Variants in TLE4 observed in about 807,000 individuals in gnomAD.
The protein encoded by TLE4 is transducin-like enhancer protein 4.
TLE4 carries 8 observed loss-of-function variants against 92.8 expected under a neutral mutation model. The ratio of observed to expected loss-of-function variants is 0.09; its 90% CI spans 0.05 to 0.16. The LOEUF is 0.16. Among genes scored for constraint, TLE4 ranks in the 10% least tolerant of loss-of-function variants. The probability of loss-of-function intolerance (pLI) is 1.00; values close to 1 mark genes in which losing one functional copy is unlikely to be tolerated. For synonymous variants in TLE4, 371 were observed against 374.1 expected, an observed-to-expected ratio of 0.99 and a Z score of 0.10; for missense variants, 675 against 997.6, an observed-to-expected ratio of 0.68 and a Z score of 4.36.
Position 79,704,906 on chromosome 9 carries a change from AG to A in TLE4, c.729+5del. 2.5e-6 allele frequency: 4 copies of A among 1,614,024 alleles called. No individual in the cohort carries two copies. Among genetic ancestry groups the A allele is most frequent in the Non-Finnish European group, 3.4e-6 (4 of 1,179,984 alleles). On this transcript the variant is annotated splice_donor_5th_base_variant and intron_variant, in intron 9 of 19. Coordinates refer to ENST00000376552, the MANE Select transcript of TLE4 (RefSeq NM_007005.6). ...AAAGGAAATTGCAGCTCGTTATGTA[AG>A]TTCATTCACCTTTGTGTTAGGGGAG...
At chr9:79,723,947 G>A (rs1455274750) in intron 19 of TLE4, among the ~76,000 whole-genome samples, 2 of 152,106 alleles carry the variant, frequency 1.3e-5, no homozygotes, top group South Asian at 2.1e-4. Flanking sequence ...GTCTTTAAGT[G>A]TTTAAAGTAT....
chr9:79,658,194 T>G (rs1308431684), intron 8 of TLE4, among the ~76,000 whole-genome samples: 1 of 152,238 alleles, frequency 6.6e-6, no homozygotes, highest in Non-Finnish European at 1.5e-5. Context: ...AACCCTGTAC[T>G]AATTTAAAAT....
chr9:79,677,784 G>C (rs375951191), intron 8 of TLE4, among the ~76,000 whole-genome samples: 2 of 151,940 alleles, frequency 1.3e-5, no homozygotes, highest in East Asian at 1.9e-4. Flanking sequence ...GCTTGTCATT[G>C]TTTTCACATC....
intron 3 of TLE4, 173 bp from the exon 4 acceptor site, chr9:79,575,960 T>C: frequency 2.4e-6 from 1 of 422,984 alleles, no homozygotes; most frequent in East Asian, 3.3e-5. Flanking sequence ...ATTTGTGTCT[T>C]AAGGTGGTTA....
rs1288463289 is a variant in TLE4, at chr9:79,706,037, T to C, written c.783+95T>C. ...AGTATCCAAAATATCTTGAGGTTTG[T>C]CGTTTTGTTATTGTTGTTGTTTTTT... is the stretch of plus-strand genomic sequence containing the variant. On this transcript the variant is annotated intron_variant, in intron 10 of 19. Coordinates refer to ENST00000376552, the MANE Select transcript of TLE4 (RefSeq NM_007005.6). 3.3e-6 allele frequency: 4 copies of C among 1,227,228 alleles called. No individual in the cohort carries two copies. The South Asian group carries it at 4.8e-5, about 15-fold the overall frequency. 76.0% of individuals were successfully genotyped at this position (1,227,228 alleles called of 1,614,324 possible).
chr9:79,653,073 A>G, intron 7 of TLE4: 1 of 466,478 alleles, frequency 2.1e-6, no homozygotes, highest in African/African-American at 2.0e-5. Flanking sequence ...TAAATCAGTA[A>G]TGAAATCCCA....
intron 8 of TLE4, chr9:79,671,112 T>C: frequency 3.1e-6 from 1 of 321,250 alleles, no homozygotes; most frequent in South Asian, 2.4e-5. Context: ...GAGAATTAAC[T>C]TTAGCTGATC....
intron 11 of TLE4, among the ~76,000 whole-genome samples, 198 bp from the exon 12 acceptor site, chr9:79,707,920 C>T (rs1245697488): frequency 1.3e-5 from 2 of 152,212 alleles, no homozygotes; most frequent in Non-Finnish European, 2.9e-5. Flanking sequence ...CAGTTTATGT[C>T]TTCCCAAATA....
chr9:79,692,264 C>T (rs539417136), intron 8 of TLE4, among the ~76,000 whole-genome samples: 3 of 151,668 alleles, frequency 2.0e-5, no homozygotes, highest in Middle Eastern at 3.5e-3. Context: ...AAGAGAACAC[C>T]AATCCAGGAG....
chr9:79,694,711 T>C (rs1446472263), intron 8 of TLE4, among the ~76,000 whole-genome samples: 1 of 152,088 alleles, frequency 6.6e-6, no homozygotes, highest in Non-Finnish European at 1.5e-5. Context: ...AAAACAAGTA[T>C]TATATCTGTC....
rs200871095 is a variant in TLE4 at position 79,722,538 on chromosome 9, C to G, written c.2074C>G (p.Pro692Ala). Residue 692 changes from proline (P) to alanine (A), a missense_variant, in exon 18 of 20, where the codon CCA (proline) becomes GCA (alanine). Pro to Ala is a conservative substitution (Grantham distance 27). Around this residue, in one of 5 missense-constraint regions of TLE4, gnomAD observed 170 missense variants for 359.6 expected, o/e 0.47. Transcript: ENST00000376552. ...SNVEVLHVTKPDKYQLHLHES... is the reference protein window; with the variant it reads ...SNVEVLHVTKADKYQLHLHES... ...TGTGGAAGTTTTGCATGTCACCAAG[C>G]CAGACAAATACCAACTACATCTTCA... is the stretch of plus-strand genomic sequence containing the variant. The G allele has an allele frequency of 3.7e-6, 6 of 1,614,098 alleles. No homozygotes were observed. Among genetic ancestry groups the G allele is most frequent in the Non-Finnish European group, 5.1e-6 (6 of 1,180,046 alleles).
At chr9:79,652,558 C>A (rs1275644190) in intron 6 of TLE4, 35 bp from the exon 7 acceptor site, 3 of 1,610,982 alleles carry the variant, frequency 1.9e-6, no homozygotes, top group Non-Finnish European at 2.5e-6. Flanking sequence ...GATATGGGGG[C>A]AAATTCAATA....
intron 4 of TLE4, among the ~76,000 whole-genome samples, chr9:79,589,749 T>C (rs887818749): frequency 3.3e-5 from 5 of 152,130 alleles, no homozygotes; most frequent in Admixed American, 6.5e-5. Context: ...ACCAGTCTGG[T>C]TGGTACCAAG....
At chr9:79,606,617 A>T (rs113942197) in intron 4 of TLE4, among the ~76,000 whole-genome samples, 7 of 152,056 alleles carry the variant, frequency 4.6e-5, no homozygotes, top group Admixed American at 2.6e-4. Context: ...ATGAGTGAGA[A>T]CATGTGGTGT....
intron 6 of TLE4, among the ~76,000 whole-genome samples, chr9:79,629,672 C>A (rs901272140): frequency 6.6e-6 from 1 of 152,000 alleles, no homozygotes; most frequent in East Asian, 1.9e-4. Flanking sequence ...AAAATGGAGT[C>A]GGAAATCACA....
At chr9:79,598,007 C>T (rs554662571) in intron 4 of TLE4, among the ~76,000 whole-genome samples, 3 of 141,752 alleles carry the variant, frequency 2.1e-5, no homozygotes, top group African/African-American at 5.3e-5. Flanking sequence ...CTGAGGCAGG[C>T]GGATCACGAG....
At chr9:79,629,592 G>A (rs762665526) in intron 6 of TLE4, among the ~76,000 whole-genome samples, 10 of 152,084 alleles carry the variant, frequency 6.6e-5, no homozygotes, top group Non-Finnish European at 1.3e-4. Flanking sequence ...CTATCAACGC[G>A]GCATATACTT....
intron 14 of TLE4, among the ~76,000 whole-genome samples, chr9:79,710,353 G>A (rs2072946848): frequency 6.6e-6 from 1 of 152,208 alleles, no homozygotes; most frequent in Non-Finnish European, 1.5e-5. Context: ...CTATAAAGTA[G>A]CACTGGCTGT....
chr9:79,700,436 G>A (rs1344642618), intron 8 of TLE4, among the ~76,000 whole-genome samples: 2 of 152,116 alleles, frequency 1.3e-5, no homozygotes, highest in East Asian at 1.9e-4. Flanking sequence ...AGGTGGAGGG[G>A]TGGGGCCTTC....
Sources: allele counts gnomAD v4.1 joint callset (sites outside exome capture counted in the v4.1 genomes callset), GRCh38; gene constraint gnomAD v4.1.1; regional missense constraint gnomAD v4.1.1; transcripts MANE v1.5; gene names NCBI Gene and HGNC (gene_info 2026-07-23, HGNC 2026-07-21).